The following STK32B variants were observed in gnomAD, a reference collection of about 807,000 sequenced individuals.
The protein encoded by STK32B is serine/threonine-protein kinase 32B.
A neutral mutation model predicts 52.6 loss-of-function variants in STK32B; 43 were observed. That is an observed-to-expected ratio of 0.82 (90% CI 0.64 to 1.05). The LOEUF (loss-of-function observed/expected upper bound fraction) is 1.05. Ranked by LOEUF, STK32B falls within the 50% of genes least tolerant of loss-of-function variation. The pLI is 0.00. For missense variants in STK32B, 621 were observed against 534.6 expected (o/e 1.16, Z -1.59); for synonymous variants, 238 against 204.3 (o/e 1.17, Z -1.41).
At chr4:5,223,339 A>T (rs1044388088) in intron 3 of STK32B, among the ~76,000 whole-genome samples, 7 of 152,152 alleles carry the variant, frequency 4.6e-5, no homozygotes, top group Admixed American at 2.0e-4. Context: ...TGCCTAGTGG[A>T]ATCATGAAGG....
chr4:5,176,810 C>T (rs927552472), intron 3 of STK32B, among the ~76,000 whole-genome samples: 8 of 152,104 alleles, frequency 5.3e-5, no homozygotes, highest in African/African-American at 1.9e-4. Context: ...GACAGATGCC[C>T]TTTGGTTACA....
chr4:5,167,873 G>C lies in STK32B; in HGVS notation c.109-426G>C, dbSNP rs573396909. On this transcript the variant is annotated intron_variant, in intron 2 of 11. Transcript: ENST00000282908. ...TGGTGGATGGAAGTCAGGCAGGTAG[G>C]TGCAGAAGTGGGAAAGGTGAGGAGA... 9.2e-5 allele frequency among the ~76,000 whole-genome samples: 14 copies of C among 152,386 alleles called. No homozygotes were observed. The South Asian group carries it at 2.7e-3, about 29-fold the overall frequency.
chr4:5,266,027 T>C (rs1727034773), intron 3 of STK32B, among the ~76,000 whole-genome samples: 1 of 152,228 alleles, frequency 6.6e-6, no homozygotes, highest in African/African-American at 2.4e-5. Flanking sequence ...AAGGAAACTT[T>C]CTAGGTATTG....
intron 3 of STK32B, among the ~76,000 whole-genome samples, chr4:5,206,971 A>G (rs2108781607): frequency 1.3e-5 from 2 of 152,316 alleles, no homozygotes; most frequent in South Asian, 4.1e-4. Context: ...GAACTGCTTT[A>G]GATGCTTCTG....
intron 3 of STK32B, among the ~76,000 whole-genome samples, chr4:5,234,236 A>G (rs1724470603): frequency 6.6e-6 from 1 of 152,236 alleles, no homozygotes; most frequent in Admixed American, 6.5e-5. Flanking sequence ...CTTATGTACA[A>G]GTTAGATACT....
At chr4:5,388,632 G>A (rs551955006) in intron 4 of STK32B, among the ~76,000 whole-genome samples, 5 of 152,208 alleles carry the variant, frequency 3.3e-5, no homozygotes, top group Admixed American at 6.5e-5. Context: ...CTGACTCACG[G>A]ATCTATCATT....
intron 7 of STK32B, among the ~76,000 whole-genome samples, chr4:5,449,402 T>A (rs1715772541): frequency 6.6e-6 from 1 of 152,172 alleles, no homozygotes; most frequent in African/African-American, 2.4e-5. Flanking sequence ...AAAGTTGGAA[T>A]GCATTGAAAA....
At chr4:5,230,833 A>G (rs1724214138) in intron 3 of STK32B, among the ~76,000 whole-genome samples, 2 of 152,274 alleles carry the variant, frequency 1.3e-5, no homozygotes, top group Admixed American at 1.3e-4. Context: ...CCAGAACAAG[A>G]GGGGGTAAGA....
At position 5,396,211 on chromosome 4, in the gene STK32B, A is replaced by T. The variant is rs920382679; in HGVS notation, c.435-1996A>T. ...ATGGCTGTGCTTCCTCTGGAGGTTCAGGAGAGAATCCGCCCCTGGCCTGTT... is the reference window on the plus strand; with the variant it reads ...ATGGCTGTGCTTCCTCTGGAGGTTCTGGAGAGAATCCGCCCCTGGCCTGTT... On this transcript the variant is annotated intron_variant, in intron 4 of 11. Coordinates refer to ENST00000282908, the MANE Select transcript of STK32B (RefSeq NM_018401.3). This position sits in a 1 kb window ranked among gnomAD's most constrained non-coding sequence, Gnocchi z 4.7. Among the ~76,000 whole-genome samples the T allele has an allele frequency of 1.3e-5, 2 of 152,238 alleles. No individual in the cohort carries two copies. Among genetic ancestry groups the T allele is most frequent in the African/African-American group, 4.8e-5 (2 of 41,470 alleles).
chr4:5,424,007 C>T (rs534353016), intron 6 of STK32B, among the ~76,000 whole-genome samples: 16 of 152,104 alleles, frequency 1.1e-4, no homozygotes, highest in African/African-American at 3.9e-4. Context: ...AAACCCCACT[C>T]CCCCCGTAGG....
rs151141288 is a variant in STK32B, at chr4:5,474,282, G to C, written c.1106+6212G>C. On this transcript the variant is annotated intron_variant, in intron 11 of 11. Coordinates refer to ENST00000282908, the MANE Select transcript of STK32B (RefSeq NM_018401.3). ...GCACAAGGGGTGCAATCCATCACAG[G>C]CTTCAGAATCTGATGGGCCTGGGTC... Among the ~76,000 whole-genome samples the C allele has an allele frequency of 6.2e-3, 945 of 152,240 alleles. 13 individuals are homozygous for C. Among genetic ancestry groups the C allele is most frequent in the African/African-American group, 0.022 (903 of 41,542 alleles).
chr4:5,425,510 T>C (rs1467288768), intron 6 of STK32B, among the ~76,000 whole-genome samples: 1 of 152,190 alleles, frequency 6.6e-6, no homozygotes, highest in African/African-American at 2.4e-5. Context: ...ACCTTCTACA[T>C]GCTAGGCACT....
chr4:5,325,966 G>T (rs1450202892), intron 3 of STK32B, among the ~76,000 whole-genome samples: 4 of 152,198 alleles, frequency 2.6e-5, no homozygotes, highest in African/African-American at 9.6e-5. Flanking sequence ...GGAATGTAGG[G>T]TCTGTGGCCT....
chr4:5,482,117 A>T (rs923496192), intron 11 of STK32B, among the ~76,000 whole-genome samples: 8 of 152,170 alleles, frequency 5.3e-5, no homozygotes, highest in East Asian at 1.9e-4. Context: ...TCCAATTCTG[A>T]GAAGAAAGTC....
intron 2 of STK32B, among the ~76,000 whole-genome samples, chr4:5,154,373 G>A (rs1232079629): frequency 6.6e-6 from 1 of 152,060 alleles, no homozygotes; most frequent in East Asian, 1.9e-4. Flanking sequence ...GTGCCACCAG[G>A]CCCGGTTAAT....
intron 1 of STK32B, among the ~76,000 whole-genome samples, chr4:5,109,644 G>A (rs1714287018): frequency 6.6e-6 from 1 of 152,194 alleles, no homozygotes; most frequent in South Asian, 2.1e-4. Context: ...GATAATGGGA[G>A]CCATGTATGG....
intron 3 of STK32B, among the ~76,000 whole-genome samples, chr4:5,194,221 C>T (rs1258028984): frequency 6.6e-6 from 1 of 152,162 alleles, no homozygotes; most frequent in Non-Finnish European, 1.5e-5. Context: ...GACCAATGGT[C>T]CTGTGTATAT....
intron 2 of STK32B, among the ~76,000 whole-genome samples, chr4:5,155,332 T>C (rs1717728101): frequency 6.6e-6 from 1 of 152,234 alleles, no homozygotes. Flanking sequence ...AGATGTCTTC[T>C]TGGTTATGGG....
intron 7 of STK32B, among the ~76,000 whole-genome samples, chr4:5,456,363 C>T (rs16837300): frequency 1.1e-4 from 16 of 152,258 alleles, no homozygotes; most frequent in African/African-American, 3.6e-4. Context: ...CAGCTCTGTC[C>T]ACCCCATGGG....
Sources: gnomAD v4.1 joint callset for allele counts (sites outside exome capture counted in the v4.1 genomes callset) on GRCh38, gnomAD v4.1.1 for gene constraint, Gnocchi (gnomAD v3.1) non-coding constraint, MANE v1.5 for transcripts, NCBI Gene and HGNC (gene_info 2026-07-23, HGNC 2026-07-21) for gene names.